GOLGB1: variants seen among roughly 807,000 people sequenced by gnomAD.
GOLGB1 encodes the protein golgin B1.
A neutral mutation model predicts 336.9 loss-of-function variants in GOLGB1; 174 were observed. That is an observed-to-expected ratio of 0.52 (90% CI 0.46 to 0.59). GOLGB1 has a LOEUF of 0.59. GOLGB1 is among the 20% of genes least tolerant of loss of function. The pLI, the probability that GOLGB1 is intolerant of heterozygous loss-of-function variation, is 0.00. For synonymous variants in GOLGB1, 1,208 were observed against 1,289.2 expected (o/e 0.94, Z 1.35); for missense variants, 3,331 against 3,645.3 (o/e 0.91, Z 2.22).
intron 10 of GOLGB1, among the ~76,000 whole-genome samples, chr3:121,705,655 T>C (rs995152348): frequency 1.3e-5 from 2 of 152,048 alleles, no homozygotes; most frequent in African/African-American, 4.8e-5. Flanking sequence ...TGGGAAAAAG[T>C]CACGTAAAGA....
At chr3:121,713,499 T>C (rs1944509298) in intron 10 of GOLGB1, among the ~76,000 whole-genome samples, 1 of 152,212 alleles carries the variant, frequency 6.6e-6, no homozygotes, top group African/African-American at 2.4e-5. Flanking sequence ...TCTCCAAATA[T>C]GCTGAGTAAA....
intron 14 of GOLGB1, among the ~76,000 whole-genome samples, chr3:121,683,220 T>C (rs1941309914): frequency 1.3e-5 from 2 of 151,866 alleles, no homozygotes; most frequent in African/African-American, 2.4e-5. Context: ...ACTTCATTTA[T>C]AGGTACCCTC....
intron 14 of GOLGB1, among the ~76,000 whole-genome samples, chr3:121,689,307 G>GA (rs1023632076): frequency 5.9e-5 from 9 of 152,328 alleles, no homozygotes; most frequent in South Asian, 4.1e-4. Flanking sequence ...TCTGTACTAA[G>GA]AAAAAATCTT....
rs1942391179 is a variant in GOLGB1, at chr3:121,691,274, C to T, written c.8090G>A (p.Gly2697Glu). ...KELKHLHHDA[G>E]IMRNETETAE... ...TGTTTCAGTTTCATTTCTCATTATCCCTGCATCATGATGAAGATGCTTTAA... is the reference window on the plus strand; with the variant it reads ...TGTTTCAGTTTCATTTCTCATTATCTCTGCATCATGATGAAGATGCTTTAA... The change falls in exon 14 of 22, where the codon GGG (glycine) becomes GAG (glutamate). Residue 2697 changes from glycine (G) to glutamate (E), a missense_variant. Coordinates refer to ENST00000614479, the MANE Select transcript of GOLGB1 (RefSeq NM_001366282.2). 3.1e-6 allele frequency: 5 copies of T among 1,613,408 alleles called. No homozygotes were observed. Among genetic ancestry groups the T allele is most frequent in the Admixed American group, 1.7e-5 (1 of 59,970 alleles).
intron 10 of GOLGB1, among the ~76,000 whole-genome samples, chr3:121,709,569 C>T (rs964383738): frequency 6.6e-6 from 1 of 152,040 alleles, no homozygotes; most frequent in African/African-American, 2.4e-5. Flanking sequence ...TTATTTAGAA[C>T]ACACTTCTAA....
At chr3:121,727,320 A>ATATT (rs1365310516) in intron 4 of GOLGB1, among the ~76,000 whole-genome samples, 7 of 28,632 alleles carry the variant, frequency 2.4e-4, no homozygotes, top group African/African-American at 5.2e-4. Flanking sequence ...ATATATATAT[A>ATATT]TTTTTTTTTT....
intron 1 of GOLGB1, among the ~76,000 whole-genome samples, 178 bp from the exon 2 acceptor site, chr3:121,731,151 A>G (rs1001911737): frequency 3.3e-5 from 5 of 152,198 alleles, no homozygotes; most frequent in African/African-American, 4.8e-5. Flanking sequence ...CTTCCAGTGT[A>G]GTCACACGCT....
intron 1 of GOLGB1, among the ~76,000 whole-genome samples, chr3:121,747,269 G>A (rs1947380820): frequency 8.0e-6 from 1 of 124,340 alleles, no homozygotes; most frequent in African/African-American, 3.2e-5. Context: ...ATATATATAT[G>A]TATATATGTA....
chr3:121,733,281 C>A, intron 1 of GOLGB1, among the ~76,000 whole-genome samples: 1 of 133,648 alleles, frequency 7.5e-6, no homozygotes, highest in South Asian at 2.4e-4. Flanking sequence ...CTAGATTGCT[C>A]CGTCTCAAAA....
At chr3:121,733,141 G>A (rs1005445221) in intron 1 of GOLGB1, among the ~76,000 whole-genome samples, 5 of 152,026 alleles carry the variant, frequency 3.3e-5, no homozygotes, top group Non-Finnish European at 7.4e-5. Flanking sequence ...GGCTAACACT[G>A]TGAAACTCCA....
rs7153 is a variant in GOLGB1, at chr3:121,664,450, G to A, written c.*30C>T. 0.23 allele frequency: 369,431 copies of A among 1,592,822 alleles called. 45,014 individuals carry two copies. Among genetic ancestry groups the A allele is most frequent in the East Asian group, 0.42 (18,566 of 44,662 alleles). ...GAGGTGAGAGAATTCCAAGTTTTGA[G>A]GGGAGTGGTCCAAAGAGTAACAACT... On this transcript the variant is annotated 3_prime_UTR_variant, in exon 22 of 22. Transcript: ENST00000614479.
intron 6 of GOLGB1, among the ~76,000 whole-genome samples, chr3:121,720,851 C>T (rs943706772): frequency 2.0e-5 from 3 of 152,124 alleles, no homozygotes; most frequent in Admixed American, 2.0e-4. Flanking sequence ...CATGGTTTTG[C>T]CTAAATCCCA....
chr3:121,667,905 A>C (rs1938866003), intron 19 of GOLGB1, among the ~76,000 whole-genome samples, 156 bp downstream of exon 19: 1 of 152,208 alleles, frequency 6.6e-6, no homozygotes, highest in African/African-American at 2.4e-5. Context: ...AATGTTAGTT[A>C]TTATTGTTAC....
At chr3:121,678,787 C>T (rs1202240675) in intron 15 of GOLGB1, among the ~76,000 whole-genome samples, 1 of 152,062 alleles carries the variant, frequency 6.6e-6, no homozygotes, top group Non-Finnish European at 1.5e-5. Context: ...CCTGACCTCA[C>T]ATGATCTACC....
At position 121,668,137 on chromosome 3, in the gene GOLGB1, CAACATCTATATTTAG is replaced by C; in HGVS notation, c.9328_9342del (p.Leu3110_Val3114del). On this transcript the variant is annotated inframe_deletion, in exon 19 of 22. Transcript: ENST00000614479. Reference sequence around the variant, plus strand: ...TTCTTTTCCTGGGGAGCTCCTGGAGCAACATCTATATTTAGTGGCCCCTGGAAGAAGAATAAGCTT... The same window carrying C: ...TTCTTTTCCTGGGGAGCTCCTGGAGCTGGCCCCTGGAAGAAGAATAAGCTT... 6.3e-7 allele frequency: 1 copy of C among 1,598,998 alleles called. No individual in the cohort carries two copies. Among genetic ancestry groups the C allele is most frequent in the Middle Eastern group, 1.7e-4 (1 of 5,986 alleles).
At chr3:121,688,765 C>T (rs1402728205) in intron 14 of GOLGB1, among the ~76,000 whole-genome samples, 2 of 151,686 alleles carry the variant, frequency 1.3e-5, no homozygotes, top group Admixed American at 6.6e-5. Context: ...GGCTGCCCAT[C>T]GTCTGAGATG....
chr3:121,674,286 T>C (rs1465803474), intron 17 of GOLGB1, among the ~76,000 whole-genome samples: 1 of 152,154 alleles, frequency 6.6e-6, no homozygotes, highest in Non-Finnish European at 1.5e-5. Flanking sequence ...GGGTATCTAA[T>C]AATATATTGA....
In GOLGB1 at chr3:121,697,748, C is replaced by G; in HGVS notation, c.2775G>C (p.Glu925Asp). The G allele has an allele frequency of 6.2e-7, 1 of 1,613,998 alleles. No individual in the cohort carries two copies. Among genetic ancestry groups the G allele is most frequent in the East Asian group, 2.2e-5 (1 of 44,880 alleles). ...MTEKMVQLNE[E>D]KFSLGVEIKT... ...TAATTTCAACCCCAAGAGAAAACTT[C>G]TCTTCATTAAGCTGAACCATTTTCT... Residue 925 changes from glutamate to aspartate, a missense_variant, in exon 13 of 22, where the codon GAG becomes GAC. Transcript: ENST00000614479.
intron 1 of GOLGB1, among the ~76,000 whole-genome samples, chr3:121,733,957 G>A (rs984808410): frequency 2.0e-5 from 3 of 152,078 alleles, no homozygotes; most frequent in Non-Finnish European, 4.4e-5. Context: ...AAACATAGGA[G>A]AACATTTTTG....
Sources: gnomAD v4.1 joint callset for allele counts (sites outside exome capture counted in the v4.1 genomes callset) on GRCh38, gnomAD v4.1.1 for gene constraint, MANE v1.5 for transcripts, NCBI Gene and HGNC (gene_info 2026-07-23, HGNC 2026-07-21) for gene names.